The following NRXN1 variants were observed in gnomAD, a reference collection of about 807,000 sequenced individuals.
NRXN1 encodes neurexin-1.
Under a neutral mutation model 150.9 loss-of-function variants are expected in NRXN1, and 39 were observed. The observed-to-expected ratio is 0.26, with a 90% CI of 0.20 to 0.34. The LOEUF (loss-of-function observed/expected upper bound fraction) is 0.34, where lower values mean the gene tolerates loss of function less well. Among genes scored for constraint, NRXN1 ranks in the 10% least tolerant of loss-of-function variants. NRXN1 has a pLI of 1.00. For synonymous variants in NRXN1, 924 were observed against 757.0 expected (o/e 1.22, Z -3.62); for missense variants, 1,815 against 1,949.9 (o/e 0.93, Z 1.30).
rs546356981 is a variant in NRXN1 at position 50,691,523 on chromosome 2, G to T, written c.833-67908C>A. Among the ~76,000 whole-genome samples, 7 of 152,130 alleles carry T rather than the reference G, an allele frequency of 4.6e-5. No individual in the cohort carries two copies. The South Asian group carries it at 1.5e-3, about 32-fold the overall frequency. Reference sequence around the variant, plus strand: ...TAAAATGGTCTTATTTTCATCTGTGGAAACAATACACATGAGCAGCTTTAT... The same window carrying T: ...TAAAATGGTCTTATTTTCATCTGTGTAAACAATACACATGAGCAGCTTTAT... On this transcript the variant is annotated intron_variant, in intron 5 of 22. Coordinates refer to ENST00000401669, the MANE Select transcript of NRXN1 (RefSeq NM_001330078.2).
chr2:50,053,057 A>C (rs1422071295), intron 21 of NRXN1, among the ~76,000 whole-genome samples: 2 of 152,182 alleles, frequency 1.3e-5, no homozygotes, highest in Non-Finnish European at 2.9e-5. Context: ...ACAAACCAAA[A>C]CAAAATCTTT....
intron 5 of NRXN1, among the ~76,000 whole-genome samples, chr2:50,643,987 T>C (rs1684435238): frequency 6.6e-6 from 1 of 151,892 alleles, no homozygotes; most frequent in Admixed American, 6.6e-5. Flanking sequence ...ATCATCCTAT[T>C]CAGAGGCACA....
chr2:50,199,335 G>A (rs2061994810), intron 18 of NRXN1: 2 of 151,972 alleles, frequency 1.3e-5, no homozygotes, highest in African/African-American at 4.8e-5. Context: ...ATCATATTTT[G>A]AAACCAGGTT....
At chr2:50,744,208 A>G (rs550472364) in intron 5 of NRXN1, among the ~76,000 whole-genome samples, 1 of 152,282 alleles carries the variant, frequency 6.6e-6, no homozygotes, top group African/African-American at 2.4e-5. Flanking sequence ...TATAAACACC[A>G]TCACAGTTAA....
chr2:50,625,307 C>T (rs903928697), intron 5 of NRXN1, among the ~76,000 whole-genome samples: 28 of 152,148 alleles, frequency 1.8e-4, no homozygotes, highest in African/African-American at 5.8e-4. Context: ...ATAAATATCA[C>T]GGTGAGCACC....
chr2:50,791,155 AAAGTAACAC>A (rs1470484557), intron 5 of NRXN1, among the ~76,000 whole-genome samples: 3 of 151,564 alleles, frequency 2.0e-5, no homozygotes, highest in African/African-American at 7.3e-5. Flanking sequence ...AAGACTGTCA[AAAGTAACAC>A]ATGTAACTAA....
intron 2 of NRXN1, among the ~76,000 whole-genome samples, chr2:50,936,584 C>A (rs758457374): frequency 1.3e-5 from 2 of 152,026 alleles, no homozygotes; most frequent in Non-Finnish European, 2.9e-5. Context: ...TTGCAGCTAT[C>A]TAAAGTAAAC....
At chr2:50,088,042 G>A (rs1393359089) in intron 19 of NRXN1, among the ~76,000 whole-genome samples, 1 of 152,100 alleles carries the variant, frequency 6.6e-6, no homozygotes, top group Non-Finnish European at 1.5e-5. Flanking sequence ...GCTTCTCTGA[G>A]TATAAGACTT....
At chr2:51,005,171 C>A (rs1332072437) in intron 2 of NRXN1, among the ~76,000 whole-genome samples, 2 of 151,948 alleles carry the variant, frequency 1.3e-5, no homozygotes, top group African/African-American at 4.8e-5. Context: ...AACTCTCCCT[C>A]TTTTATTCCT....
chr2:50,043,287 A>G (rs1051134445), intron 21 of NRXN1, among the ~76,000 whole-genome samples: 1 of 152,186 alleles, frequency 6.6e-6, no homozygotes, highest in Non-Finnish European at 1.5e-5. Context: ...CTCTTTGGAC[A>G]GTGGAAAGCC....
chr2:50,460,135 G>C (rs1212285931), intron 17 of NRXN1, among the ~76,000 whole-genome samples: 1 of 152,030 alleles, frequency 6.6e-6, no homozygotes, highest in East Asian at 1.9e-4. Context: ...GGTGAGATAG[G>C]ATAGTGTTAC....
At chr2:50,106,933 C>G (rs1701723510) in intron 18 of NRXN1, among the ~76,000 whole-genome samples, 1 of 151,854 alleles carries the variant, frequency 6.6e-6, no homozygotes, top group Non-Finnish European at 1.5e-5. Context: ...GCTTTTTGAA[C>G]AAGTTACTCT....
intron 5 of NRXN1, among the ~76,000 whole-genome samples, chr2:50,842,642 G>A (rs568547719): frequency 3.0e-4 from 46 of 152,254 alleles, no homozygotes; most frequent in African/African-American, 8.7e-4. Context: ...TGATCAATTT[G>A]TCTGTGAGTA....
intron 18 of NRXN1, among the ~76,000 whole-genome samples, chr2:50,179,203 C>A (rs966874801): frequency 3.3e-5 from 5 of 152,056 alleles, no homozygotes; most frequent in African/African-American, 4.8e-5. Flanking sequence ...AGCTGCTCCA[C>A]ATTTCACTAC....
chr2:50,189,817 G>T (rs535240225), intron 18 of NRXN1, among the ~76,000 whole-genome samples: 161 of 152,142 alleles, frequency 1.1e-3, no homozygotes, highest in African/African-American at 3.7e-3. Context: ...TAAAGTTATT[G>T]AATTAGTTTA....
chr2:50,869,132 A>C (rs1373465942), intron 5 of NRXN1, among the ~76,000 whole-genome samples: 1 of 151,702 alleles, frequency 6.6e-6, no homozygotes, highest in African/African-American at 2.4e-5. Flanking sequence ...TTTCTTGCTG[A>C]CATGTGATCT....
intron 5 of NRXN1, among the ~76,000 whole-genome samples, chr2:50,657,538 C>G (rs1043115069): frequency 6.6e-6 from 1 of 151,982 alleles, no homozygotes. Context: ...TGATGCCATA[C>G]TCATGATAAG....
intron 17 of NRXN1, among the ~76,000 whole-genome samples, chr2:50,239,976 TG>T (rs2065867053): frequency 6.6e-6 from 1 of 151,346 alleles, no homozygotes; most frequent in Non-Finnish European, 1.5e-5. Context: ...CCCAAACCTA[TG>T]GAACTATGAA....
chr2:50,735,485 T>C (rs1273515884), intron 5 of NRXN1, among the ~76,000 whole-genome samples: 1 of 152,106 alleles, frequency 6.6e-6, no homozygotes, highest in East Asian at 1.9e-4. Flanking sequence ...ACTGGGAATT[T>C]TGAAAATGTC....
Sources: allele counts gnomAD v4.1 joint callset (sites outside exome capture counted in the v4.1 genomes callset), GRCh38; gene constraint gnomAD v4.1.1; transcripts MANE v1.5; gene names NCBI Gene and HGNC (gene_info 2026-07-23, HGNC 2026-07-21).